Variants in FGF1 observed in about 807,000 individuals in gnomAD.
The protein encoded by FGF1 is fibroblast growth factor 1.
FGF1 carries 9 observed loss-of-function variants against 13.4 expected under a neutral mutation model. The observed-to-expected ratio is 0.67, with a 90% CI of 0.40 to 1.17. FGF1 has a LOEUF of 1.17. Among genes scored for constraint, FGF1 ranks in the 50% most tolerant of loss-of-function variants. The pLI, the probability that FGF1 is intolerant of heterozygous loss-of-function variation, is 0.01. For synonymous variants in FGF1, 93 were observed against 79.0 expected (o/e 1.18, Z -0.94); for missense variants, 156 against 192.7 (o/e 0.81, Z 1.13).
Position 142,634,027 on chromosome 5 carries a change from AC to A in FGF1, c.-34-19867del, listed in dbSNP as rs201489025. Among the ~76,000 whole-genome samples the A allele has an allele frequency of 4.9e-3, 493 of 100,228 alleles. 2 individuals are homozygous for A. The highest frequency in any genetic ancestry group is 0.015 in the African/African-American group (457 of 31,218). 65.8% of individuals were successfully genotyped at this position (100,228 alleles called of 152,430 possible). On this transcript the variant is annotated intron_variant, in intron 1 of 3. Coordinates refer to ENST00000337706, the MANE Select transcript of FGF1 (RefSeq NM_000800.5). ...GTGAAACCCTGTCTCTACTAAAAAT[AC>A]CAAAAAAAAAAAAAAGTAGCTGGAC...
chr5:142,688,545 T>G (rs900784235), upstream of FGF1, among the ~76,000 whole-genome samples: 1 of 152,242 alleles, frequency 6.6e-6, no homozygotes, highest in African/African-American at 2.4e-5. Context: ...CACAATATGC[T>G]AGATCGTATG....
At chr5:142,664,588 G>T (rs749806573) in intron 1 of FGF1, among the ~76,000 whole-genome samples, 1 of 152,244 alleles carries the variant, frequency 6.6e-6, no homozygotes, top group Non-Finnish European at 1.5e-5. Flanking sequence ...TACATGAAGT[G>T]ACGGTCTAAC....
chr5:142,609,320 G>A (rs1352278935), intron 2 of FGF1, among the ~76,000 whole-genome samples: 1 of 152,160 alleles, frequency 6.6e-6, no homozygotes, highest in African/African-American at 2.4e-5. Context: ...AGTCTCTTGC[G>A]TGCTTGGGGA....
chr5:142,669,640 C>G (rs369964392), intron 1 of FGF1, among the ~76,000 whole-genome samples: 1 of 151,976 alleles, frequency 6.6e-6, no homozygotes, highest in African/African-American at 2.4e-5. Flanking sequence ...TCTGGCAGGA[C>G]GACTGCTGCA....
At chr5:142,638,811 C>A (rs1309832613) in intron 1 of FGF1, among the ~76,000 whole-genome samples, 2 of 151,892 alleles carry the variant, frequency 1.3e-5, no homozygotes, top group Non-Finnish European at 2.9e-5. Flanking sequence ...ATATAAGGAA[C>A]CCAAACAACT....
chr5:142,650,859 T>C (rs1412773293), intron 1 of FGF1, among the ~76,000 whole-genome samples: 1 of 152,038 alleles, frequency 6.6e-6, no homozygotes, highest in African/African-American at 2.4e-5. Context: ...AGAAATGCAT[T>C]CAGGAGGGAC....
intron 1 of FGF1, among the ~76,000 whole-genome samples, chr5:142,634,880 T>C (rs1274707692): frequency 1.3e-5 from 2 of 152,080 alleles, no homozygotes; most frequent in African/African-American, 2.4e-5. Flanking sequence ...TTTTCTTTTT[T>C]TTTTTTCCAC....
At position 142,592,356 on chromosome 5, in the gene FGF1, C is replaced by T. The variant is rs566958099; in HGVS notation, c.*2934G>A. On this transcript the variant is annotated 3_prime_UTR_variant, in exon 4 of 4. Coordinates refer to ENST00000337706, the MANE Select transcript of FGF1 (RefSeq NM_000800.5). ...GCGCCTTGGGTTCCTTTGCCTCTGA[C>T]ACAAAGCAAGGACCTTCAGTACTAG... The T allele has an allele frequency of 5.0e-6, 2 of 398,582 alleles. No individual in the cohort carries two copies. Among genetic ancestry groups the T allele is most frequent in the Non-Finnish European group, 8.8e-6 (2 of 226,026 alleles). 24.7% of individuals were successfully genotyped at this position (398,582 alleles called of 1,614,324 possible). A position where few individuals can be genotyped will look rare whatever the true frequency, so the allele number is the denominator to read the frequency against.
chr5:142,695,587 GA>G (rs70991777), intron 2 of FGF1, among the ~76,000 whole-genome samples: 18,068 of 115,176 alleles, frequency 0.16, 2,456 homozygotes, highest in African/African-American at 0.34. Context: ...GTATCAAAAA[GA>G]AAAAAAAAAA....
intron 2 of FGF1, among the ~76,000 whole-genome samples, chr5:142,694,689 A>T (rs930598634): frequency 1.3e-5 from 2 of 152,238 alleles, no homozygotes; most frequent in African/African-American, 4.8e-5. Flanking sequence ...ACTGACCGGC[A>T]GCCCAAGGGG....
At chr5:142,671,219 C>T (rs1212143850) in intron 1 of FGF1, among the ~76,000 whole-genome samples, 1 of 152,200 alleles carries the variant, frequency 6.6e-6, no homozygotes, top group Admixed American at 6.5e-5. Flanking sequence ...ATATATTCAA[C>T]ATGGTTCAGG....
chr5:142,607,057 A>G (rs1290288412), intron 2 of FGF1, among the ~76,000 whole-genome samples: 1 of 152,156 alleles, frequency 6.6e-6, no homozygotes, highest in Non-Finnish European at 1.5e-5. Context: ...TTCATAGTCA[A>G]TGGGACACTT....
At chr5:142,695,935 C>G (rs529125109) in intron 2 of FGF1, among the ~76,000 whole-genome samples, 2 of 152,298 alleles carry the variant, frequency 1.3e-5, no homozygotes, top group East Asian at 3.9e-4. Flanking sequence ...GGGGAGACAG[C>G]ACCAAGGTGG....
At chr5:142,620,973 A>G (rs1416330899) in intron 1 of FGF1, among the ~76,000 whole-genome samples, 4 of 152,156 alleles carry the variant, frequency 2.6e-5, no homozygotes, top group Non-Finnish European at 5.9e-5. Flanking sequence ...TGTCTCCTAA[A>G]GCCATCCTCT....
At chr5:142,690,665 A>T (rs1212594727), upstream of FGF1, among the ~76,000 whole-genome samples, 1 of 152,208 alleles carries the variant, frequency 6.6e-6, no homozygotes, top group African/African-American at 2.4e-5. Flanking sequence ...TATCTTCCTA[A>T]TTGGCCTCCC....
chr5:142,644,764 A>G (rs1765734464), intron 1 of FGF1, among the ~76,000 whole-genome samples: 1 of 152,184 alleles, frequency 6.6e-6, no homozygotes, highest in South Asian at 2.1e-4. Context: ...CAAGGACTAA[A>G]GCTGTTTAGC....
intron 1 of FGF1, among the ~76,000 whole-genome samples, chr5:142,664,576 G>A (rs575943259): frequency 1.3e-5 from 2 of 152,268 alleles, no homozygotes; most frequent in East Asian, 1.9e-4. Context: ...TTTTCTTCAT[G>A]GTACATGAAG....
At chr5:142,649,567 C>T (rs1216457691) in intron 1 of FGF1, among the ~76,000 whole-genome samples, 2 of 152,034 alleles carry the variant, frequency 1.3e-5, no homozygotes, top group Non-Finnish European at 2.9e-5. Context: ...CCACCACGCC[C>T]GGCTAATTTT....
At chr5:142,605,000 C>T (rs993598398) in intron 2 of FGF1, among the ~76,000 whole-genome samples, 2 of 152,212 alleles carry the variant, frequency 1.3e-5, no homozygotes, top group African/African-American at 4.8e-5. Flanking sequence ...TCTTTTCAAC[C>T]TATCGCCCAT....
Sources: gnomAD v4.1 joint callset for allele counts (sites outside exome capture counted in the v4.1 genomes callset) on GRCh38, gnomAD v4.1.1 for gene constraint, MANE v1.5 for transcripts, NCBI Gene and HGNC (gene_info 2026-07-23, HGNC 2026-07-21) for gene names.